HMCN1: variants seen among roughly 807,000 people sequenced by gnomAD.
HMCN1 encodes hemicentin-1.
Under a neutral mutation model 625.9 loss-of-function variants are expected in HMCN1, and 321 were observed. That is an observed-to-expected ratio of 0.51 (90% confidence interval 0.47 to 0.56). The LOEUF (loss-of-function observed/expected upper bound fraction) is 0.56. Among genes scored for constraint, HMCN1 ranks in the 20% least tolerant of loss-of-function variants. The pLI is 0.00. For synonymous variants in HMCN1, 2,425 were observed against 2,417.6 expected, an observed-to-expected ratio of 1.00 and a Z score of -0.09; for missense variants, 6,588 against 6,887.3, an observed-to-expected ratio of 0.96 and a Z score of 1.54.
chr1:185,785,420 AT>A (rs1271669763), intron 1 of HMCN1, among the ~76,000 whole-genome samples: 3 of 152,162 alleles, frequency 2.0e-5, no homozygotes. Flanking sequence ...CTCGTCCTTA[AT>A]TTGATTGCTA....
At position 185,987,421 on chromosome 1, in the gene HMCN1, TA is replaced by T; in HGVS notation, c.2936-10del. ...AGGTGCTCAGATTCCAAATCCTACT[TA>T]CCTTTTCAGTTCTGCCAACCATTCA... is the stretch of plus-strand genomic sequence containing the variant. On this transcript the variant is annotated splice_polypyrimidine_tract_variant and intron_variant, in intron 19 of 106. Coordinates refer to ENST00000271588, the MANE Select transcript of HMCN1 (RefSeq NM_031935.3). 11 of 1,566,018 alleles carry T rather than the reference TA, an allele frequency of 7.0e-6. No individual in the cohort carries two copies. The highest frequency in any genetic ancestry group is 9.7e-6 in the Non-Finnish European group (11 of 1,136,166).
intron 59 of HMCN1, 51 bp from the exon 60 acceptor site, chr1:186,087,392 T>C (rs1273520957): frequency 5.6e-6 from 9 of 1,601,040 alleles, no homozygotes; most frequent in Non-Finnish European, 7.7e-6. Flanking sequence ...ATATTTTCTA[T>C]CTGAGCACCT....
At chr1:186,142,829 C>T (rs935241322) in intron 89 of HMCN1, among the ~76,000 whole-genome samples, 3 of 152,168 alleles carry the variant, frequency 2.0e-5, no homozygotes, top group Non-Finnish European at 4.4e-5. Context: ...AATTGTTAAC[C>T]CTCCAATTAA....
chr1:186,070,939 A>T (rs1474013407), intron 52 of HMCN1, among the ~76,000 whole-genome samples, 182 bp downstream of exon 52: 1 of 152,218 alleles, frequency 6.6e-6, no homozygotes. Flanking sequence ...AGGATGTTCA[A>T]CAATTTTAGC....
At chr1:186,123,599 T>C (rs1344734756) in intron 81 of HMCN1, among the ~76,000 whole-genome samples, 2 of 152,178 alleles carry the variant, frequency 1.3e-5, no homozygotes, top group Admixed American at 1.3e-4. Context: ...CTACATTGTA[T>C]GATTTGACTC....
At chr1:186,088,037 C>T (rs1179648017) in intron 61 of HMCN1, 24 bp downstream of exon 61, 3 of 1,611,798 alleles carry the variant, frequency 1.9e-6, no homozygotes, top group Non-Finnish European at 2.5e-6. Context: ...TCTAATACAA[C>T]TCTTTTTCCC....
At chr1:185,958,062 C>T (rs866376153) in intron 11 of HMCN1, among the ~76,000 whole-genome samples, 6 of 151,978 alleles carry the variant, frequency 3.9e-5, no homozygotes, top group African/African-American at 1.4e-4. Context: ...TAAGATATAA[C>T]AAATATTGTT....
At chr1:185,881,016 G>A (rs1664272057) in intron 4 of HMCN1, among the ~76,000 whole-genome samples, 1 of 152,232 alleles carries the variant, frequency 6.6e-6, no homozygotes, top group African/African-American at 2.4e-5. Flanking sequence ...CATCCAGCCA[G>A]TGGTGTCTGC....
At chr1:186,063,459 AAGGAAGGAAGG>A (rs1195371069) in intron 48 of HMCN1, among the ~76,000 whole-genome samples, 2 of 36,002 alleles carry the variant, frequency 5.6e-5, no homozygotes, top group East Asian at 2.0e-3. Flanking sequence ...AGAAGGAAGG[AAGGAAGGAAGG>A]AAGGAAGGAA....
chr1:186,072,820 T>C (rs1016731334), intron 52 of HMCN1, among the ~76,000 whole-genome samples: 18 of 152,314 alleles, frequency 1.2e-4, no homozygotes, highest in African/African-American at 4.1e-4. Flanking sequence ...AGCCAGACCA[T>C]GATGCCCCTT....
At position 185,949,937 on chromosome 1, in the gene HMCN1, C is replaced by T. The variant is rs566568748; in HGVS notation, c.1829-12581C>T. 9.5e-4 allele frequency among the ~76,000 whole-genome samples: 138 copies of T among 145,244 alleles called. 3 individuals are homozygous for T. The highest frequency in any genetic ancestry group is 2.4e-3 in the Admixed American group (35 of 14,650). ...TTATTTCCTTGAGGATAGATTTCCA[C>T]GATGGAAAGGAAATGAGAGGTTCTA... On this transcript the variant is annotated intron_variant, in intron 11 of 106. Coordinates refer to ENST00000271588, the MANE Select transcript of HMCN1 (RefSeq NM_031935.3).
intron 97 of HMCN1, among the ~76,000 whole-genome samples, chr1:186,160,940 C>T (rs1651420545): frequency 6.6e-6 from 1 of 151,872 alleles, no homozygotes; most frequent in African/African-American, 2.4e-5. Flanking sequence ...ATTAGGTCCA[C>T]TTGGTGCAGA....
At chr1:185,867,985 C>T (rs1377743763) in intron 4 of HMCN1, among the ~76,000 whole-genome samples, 2 of 151,990 alleles carry the variant, frequency 1.3e-5, no homozygotes, top group Non-Finnish European at 2.9e-5. Flanking sequence ...AGGAGAATCA[C>T]TTGAACCCGG....
At chr1:185,978,159 G>A (rs970981111) in intron 16 of HMCN1, 178 bp downstream of exon 16, 11 of 565,628 alleles carry the variant, frequency 1.9e-5, no homozygotes, top group South Asian at 1.4e-4. Flanking sequence ...TCATAAATGA[G>A]TTATATTTTA....
chr1:186,082,501 T>TC (rs1377583408), intron 56 of HMCN1, among the ~76,000 whole-genome samples: 1 of 152,158 alleles, frequency 6.6e-6, no homozygotes, highest in Non-Finnish European at 1.5e-5. Context: ...GACAGTCACT[T>TC]CCGTCACGCT....
intron 55 of HMCN1, among the ~76,000 whole-genome samples, chr1:186,080,242 A>C (rs56964434): frequency 0.025 from 3,769 of 152,270 alleles, 158 homozygotes; most frequent in African/African-American, 0.086. Context: ...TTTTCTTTAC[A>C]AACTTTCAGT....
chr1:185,868,712 CATG>C (rs1227200953), intron 4 of HMCN1, among the ~76,000 whole-genome samples: 1 of 152,118 alleles, frequency 6.6e-6, no homozygotes, highest in East Asian at 1.9e-4. Flanking sequence ...ACTAATACAG[CATG>C]ATATTATACA....
intron 1 of HMCN1, among the ~76,000 whole-genome samples, chr1:185,765,419 G>A (rs80137690): frequency 0.041 from 6,178 of 152,254 alleles, 373 homozygotes; most frequent in African/African-American, 0.14. Flanking sequence ...ATTTATTTAA[G>A]ATGGGTGAGT....
At position 186,117,586 on chromosome 1, in the gene HMCN1, G is replaced by C; in HGVS notation, c.11811G>C (p.Leu3937=). ...ACTGGACCAAAAATGGTATAAGACTGCTTCCCAGGGGAGATGGCTATAGAA... is the reference window on the plus strand; with the variant it reads ...ACTGGACCAAAAATGGTATAAGACTCCTTCCCAGGGGAGATGGCTATAGAA... ...SIHWTKNGIR[L]LPRGDGYRIL... The change falls in exon 77 of 107, where the codon CTG becomes CTC. Residue 3937 remains leucine (L), a synonymous_variant. Transcript: ENST00000271588. 1.9e-6 allele frequency: 3 copies of C among 1,613,862 alleles called. No homozygotes were observed. The highest frequency in any genetic ancestry group is 2.5e-6 in the Non-Finnish European group (3 of 1,179,826).
Sources: gnomAD v4.1 joint callset for allele counts (sites outside exome capture counted in the v4.1 genomes callset) on GRCh38, gnomAD v4.1.1 for gene constraint, MANE v1.5 for transcripts, NCBI Gene and HGNC (gene_info 2026-07-23, HGNC 2026-07-21) for gene names.